CA5B: variants seen among roughly 807,000 people sequenced by gnomAD.
The protein encoded by CA5B is carbonic anhydrase 5B.
CA5B carries 15 observed loss-of-function variants against 23.1 expected under a neutral mutation model. That is an observed-to-expected ratio of 0.65 (90% CI 0.43 to 1.00). The LOEUF (loss-of-function observed/expected upper bound fraction) is 1.00, where lower values mean the gene tolerates loss of function less well. Among genes scored for constraint, CA5B ranks in the 50% least tolerant of loss-of-function variants. The pLI is 0.00. For missense variants in CA5B, 236 were observed against 252.2 expected, an observed-to-expected ratio of 0.94 and a Z score of 0.43; for synonymous variants, 84 against 98.5, an observed-to-expected ratio of 0.85 and a Z score of 0.87.
intron 1 of CA5B, chrX:15,745,489 T>A (rs1372433005): frequency 8.9e-6 from 1 of 112,654 alleles, no homozygotes; most frequent in Non-Finnish European, 1.9e-5. Context: ...TTACAGCTGG[T>A]TAAAATGATA....
chrX:15,752,751 T>G (rs1433508442), intron 2 of CA5B, among the ~76,000 whole-genome samples: 1 of 110,143 alleles, frequency 9.1e-6, no homozygotes, highest in Admixed American at 9.6e-5. Flanking sequence ...TCTGTTAACA[T>G]AGCTAGATCT....
At chrX:15,741,382 C>CAA (rs1291464062) in intron 1 of CA5B, among the ~76,000 whole-genome samples, 162 of 36,228 alleles carry the variant, frequency 4.5e-3, no homozygotes, top group Non-Finnish European at 7.3e-3. Context: ...GACCCTGTCT[C>CAA]AAAAAAAAAA....
intron 2 of CA5B, among the ~76,000 whole-genome samples, chrX:15,756,497 T>G (rs1365791684): frequency 8.9e-6 from 1 of 112,538 alleles, no homozygotes; most frequent in Non-Finnish European, 1.9e-5. Context: ...ATTCAGTGTG[T>G]GTTCAGAAAA....
intron 7 of CA5B, among the ~76,000 whole-genome samples, chrX:15,780,865 CG>C (rs1385796851): frequency 8.9e-6 from 1 of 112,304 alleles, no homozygotes; most frequent in Non-Finnish European, 1.9e-5. Flanking sequence ...AATGACTCTT[CG>C]CTTGCTTGTC....
intron 1 of CA5B, among the ~76,000 whole-genome samples, chrX:15,742,835 G>A (rs764296618): frequency 2.7e-5 from 3 of 112,358 alleles, no homozygotes; most frequent in Non-Finnish European, 3.8e-5. Flanking sequence ...GGCAATATCT[G>A]TAGATATTTT....
intron 2 of CA5B, among the ~76,000 whole-genome samples, chrX:15,754,307 A>G (rs895800191): frequency 8.0e-5 from 9 of 112,951 alleles, no homozygotes; most frequent in Admixed American, 2.8e-4. Flanking sequence ...TACTTCTAGT[A>G]CTACAGTTGT....
chrX:15,744,429 T>C (rs961295844), intron 1 of CA5B, among the ~76,000 whole-genome samples: 5 of 112,681 alleles, frequency 4.4e-5, no homozygotes, highest in African/African-American at 1.3e-4. Context: ...CTGGCGGCCA[T>C]GCCCTTGGCC....
At chrX:15,782,283 C>A (rs966213319) in intron 7 of CA5B, among the ~76,000 whole-genome samples, 7 of 112,640 alleles carry the variant, frequency 6.2e-5, no homozygotes, top group Non-Finnish European at 1.3e-4. Context: ...CTCCTCCCCA[C>A]AGGACCACCA....
chrX:15,777,900 T>C (rs181714458), intron 7 of CA5B, among the ~76,000 whole-genome samples: 1 of 112,026 alleles, frequency 8.9e-6, no homozygotes, highest in African/African-American at 3.2e-5. Context: ...TTAAGTTTTA[T>C]ATTAAATTAC....
chrX:15,756,178 C>T (rs1001673854), intron 2 of CA5B, among the ~76,000 whole-genome samples: 6 of 112,055 alleles, frequency 5.4e-5, no homozygotes, highest in Admixed American at 1.9e-4. Context: ...AAGGAACAAA[C>T]GAATAACAGA....
intron 7 of CA5B, 139 bp from the exon 8 acceptor site, chrX:15,782,346 G>A (rs952241484): frequency 2.6e-5 from 15 of 577,948 alleles, no homozygotes; most frequent in South Asian, 1.2e-4. Flanking sequence ...TGGTGAAGGC[G>A]TTCTTACCCA....
chrX:15,772,691 A>G, intron 4 of CA5B, 77 bp downstream of exon 4: 1 of 543,755 alleles, frequency 1.8e-6, no homozygotes, highest in Non-Finnish European at 3.0e-6. Flanking sequence ...GTAAGACATT[A>G]TTAGAATCAG....
chrX:15,782,584 G>GT lies in CA5B; in HGVS notation c.876dup (p.Arg293SerfsTer7). 1.2e-5 allele frequency: 14 copies of GT among 1,209,105 alleles called. No homozygotes were observed. The highest frequency in any genetic ancestry group is 1.6e-5 in the Non-Finnish European group (14 of 893,992). On this transcript the variant is annotated frameshift_variant, in exon 8 of 8. Transcript: ENST00000318636. LOFTEE classifies it high-confidence loss of function. ...CCTTCAGCCACTGATGAATCGCACT[G>GT]TTCGTTCATCCTTCCGGCATGATTA...
chrX:15,765,332 A>AAAG (rs1931684400), intron 3 of CA5B: 1 of 293,984 alleles, frequency 3.4e-6, no homozygotes, highest in Admixed American at 9.3e-5. Flanking sequence ...ACACAATTTA[A>AAAG]AAGAGTTTTT....
chrX:15,747,958 G>A (rs1292240855), intron 1 of CA5B, among the ~76,000 whole-genome samples: 1 of 107,905 alleles, frequency 9.3e-6, no homozygotes, highest in Non-Finnish European at 1.9e-5. Context: ...TTGCAAGAGA[G>A]GCGTCCAAAA....
At chrX:15,773,741 A>G (rs1467551348) in intron 4 of CA5B, among the ~76,000 whole-genome samples, 8 of 110,799 alleles carry the variant, frequency 7.2e-5, no homozygotes, top group Non-Finnish European at 1.3e-4. Context: ...TTTTGTAGAG[A>G]CAAGGTTTCA....
rs960561234 is a variant in CA5B at position 15,765,730 on chromosome X, A to T, written c.340+955A>T. On this transcript the variant is annotated intron_variant, in intron 3 of 7. Coordinates refer to ENST00000318636, the MANE Select transcript of CA5B (RefSeq NM_007220.4). ...TGTGTCAAAGTCAGGGATGCCACTAAAGATCCTGCAGTGCGCCGGATATCC... is the reference window on the plus strand; with the variant it reads ...TGTGTCAAAGTCAGGGATGCCACTATAGATCCTGCAGTGCGCCGGATATCC... Among the ~76,000 whole-genome samples, 4 of 110,022 alleles carry T rather than the reference A, an allele frequency of 3.6e-5. No homozygotes were observed. The Admixed American group carries it at 4.0e-4, about 11-fold the overall frequency.
chrX:15,775,318 GT>G lies in CA5B; in HGVS notation c.618+14del. 1 of 1,187,503 alleles carries G rather than the reference GT, an allele frequency of 8.4e-7. No individual in the cohort carries two copies. On this transcript the variant is annotated intron_variant, in intron 6 of 7. Transcript: ENST00000318636. Reference sequence around the variant, plus strand: ...GTCAATTAAGCATAAGGTACTATTTGTTTTCCTTAATTACTTGAAATATACT... The same window carrying G: ...GTCAATTAAGCATAAGGTACTATTTGTTTCCTTAATTACTTGAAATATACT...
At chrX:15,739,450 GT>G (rs79951796) in intron 1 of CA5B, among the ~76,000 whole-genome samples, 205 of 100,309 alleles carry the variant, frequency 2.0e-3, no homozygotes, top group Middle Eastern at 5.1e-3. Context: ...TTTTACTGAG[GT>G]TTTTTTTTTT....
Sources: gnomAD v4.1 joint callset for allele counts (sites outside exome capture counted in the v4.1 genomes callset) on GRCh38, gnomAD v4.1.1 for gene constraint, MANE v1.5 for transcripts, NCBI Gene and HGNC (gene_info 2026-07-23, HGNC 2026-07-21) for gene names.